FRAS1: variants seen among roughly 807,000 people sequenced by gnomAD.
FRAS1 encodes extracellular matrix organizing protein FRAS1.
FRAS1 carries 290 observed loss-of-function variants against 435.2 expected under a neutral mutation model. The observed-to-expected ratio is 0.67, with a 90% CI of 0.61 to 0.73. The LOEUF is 0.73. Ranked by LOEUF, FRAS1 falls within the 30% of genes least tolerant of loss-of-function variation. The probability of loss-of-function intolerance (pLI) is 0.00; values close to 1 mark genes in which losing one functional copy is unlikely to be tolerated. For missense variants in FRAS1, 4,860 were observed against 5,001.5 expected, an observed-to-expected ratio of 0.97 and a Z score of 0.85; for synonymous variants, 1,800 against 1,851.0, an observed-to-expected ratio of 0.97 and a Z score of 0.71.
In FRAS1 at chr4:78,515,591, CCATT is replaced by C. The variant is rs150190177; in HGVS notation, c.10175-205_10175-202del. Among the ~76,000 whole-genome samples, 550 of 152,230 alleles carry C rather than the reference CCATT, an allele frequency of 3.6e-3. 4 individuals carry two copies. The highest frequency in any genetic ancestry group is 0.012 in the African/African-American group (512 of 41,524). On this transcript the variant is annotated intron_variant, in intron 65 of 73. Coordinates refer to ENST00000512123, the MANE Select transcript of FRAS1 (RefSeq NM_025074.7). ...TGTGGTCTCTTAGAGGTGGAGTCCT[CCATT>C]CAACACCTGGCAACAGCAGTTAGCA...
At chr4:78,307,407 T>A (rs1022440400) in intron 14 of FRAS1, among the ~76,000 whole-genome samples, 1 of 152,218 alleles carries the variant, frequency 6.6e-6, no homozygotes, top group Non-Finnish European at 1.5e-5. Context: ...TGGAGCTTCC[T>A]GGCTGCTTTG....
intron 66 of FRAS1, among the ~76,000 whole-genome samples, chr4:78,518,440 A>ATG (rs1560423109): frequency 8.2e-6 from 1 of 121,624 alleles, no homozygotes; most frequent in African/African-American, 3.3e-5. Flanking sequence ...ATATATATAT[A>ATG]TATATATATA....
intron 47 of FRAS1, among the ~76,000 whole-genome samples, chr4:78,463,152 C>A (rs1305601494): frequency 6.6e-6 from 1 of 152,116 alleles, no homozygotes; most frequent in Non-Finnish European, 1.5e-5. Context: ...TGGGTATGAG[C>A]CCTAGCAGCC....
At chr4:78,283,577 C>G (rs1443246857) in intron 12 of FRAS1, among the ~76,000 whole-genome samples, 6 of 152,174 alleles carry the variant, frequency 3.9e-5, no homozygotes, top group African/African-American at 1.4e-4. Context: ...TTTAGTCTCT[C>G]TTGGAGAAGT....
intron 9 of FRAS1, among the ~76,000 whole-genome samples, chr4:78,271,244 A>C (rs1726662115): frequency 6.7e-6 from 1 of 150,330 alleles, no homozygotes; most frequent in African/African-American, 2.4e-5. Flanking sequence ...CCCCAAATTA[A>C]ATATTAAATA....
intron 31 of FRAS1, among the ~76,000 whole-genome samples, chr4:78,411,303 G>A (rs1269619631): frequency 6.6e-6 from 1 of 151,892 alleles, no homozygotes; most frequent in Non-Finnish European, 1.5e-5. Flanking sequence ...GTAGAGACAG[G>A]ATTTCACCAT....
chr4:78,117,124 A>G, intron 2 of FRAS1, among the ~76,000 whole-genome samples: 1 of 152,230 alleles, frequency 6.6e-6, no homozygotes. Flanking sequence ...TTCTGGGTTG[A>G]AAATGCTTGT....
At chr4:78,504,854 G>A (rs1251526767) in intron 61 of FRAS1, among the ~76,000 whole-genome samples, 1 of 152,156 alleles carries the variant, frequency 6.6e-6, no homozygotes, top group Admixed American at 6.5e-5. Flanking sequence ...TTTTTGCAGT[G>A]GATGGTACTG....
chr4:78,207,520 G>T (rs1419001998), intron 2 of FRAS1, among the ~76,000 whole-genome samples: 1 of 152,148 alleles, frequency 6.6e-6, no homozygotes, highest in African/African-American at 2.4e-5. Flanking sequence ...AAAATTTCTT[G>T]TTTTTAAAGG....
At chr4:78,112,975 C>T (rs111573697) in intron 2 of FRAS1, among the ~76,000 whole-genome samples, 51 of 152,202 alleles carry the variant, frequency 3.4e-4, no homozygotes, top group Admixed American at 1.6e-3. Context: ...TATCCCTCCC[C>T]GCTCCCTCCA....
intron 61 of FRAS1, among the ~76,000 whole-genome samples, chr4:78,504,634 A>G (rs10033184): frequency 0.33 from 49,999 of 151,882 alleles, 8,965 homozygotes; most frequent in South Asian, 0.52. Context: ...TGTGAGATGG[A>G]TCTCCTGAAT....
chr4:78,122,878 C>A (rs561565657), intron 2 of FRAS1, among the ~76,000 whole-genome samples: 2 of 151,956 alleles, frequency 1.3e-5, no homozygotes, highest in Non-Finnish European at 2.9e-5. Context: ...GGATATTAGC[C>A]CTTTGTCAGA....
At chr4:78,471,933 C>A (rs1719720808) in intron 51 of FRAS1, among the ~76,000 whole-genome samples, 1 of 152,116 alleles carries the variant, frequency 6.6e-6, no homozygotes, top group Non-Finnish European at 1.5e-5. Context: ...CTTTTTATGT[C>A]TTCCATTACA....
intron 35 of FRAS1, among the ~76,000 whole-genome samples, chr4:78,427,392 C>G (rs576515125): frequency 6.6e-6 from 1 of 152,256 alleles, no homozygotes; most frequent in South Asian, 2.1e-4. Context: ...AATTACCCAG[C>G]TTTAGGTTTT....
rs552064767 is a variant in FRAS1 at position 78,295,091 on chromosome 4, T to C, written c.1534+8552T>C. 3.9e-5 allele frequency among the ~76,000 whole-genome samples: 6 copies of C among 152,328 alleles called. No homozygotes were observed. In the East Asian group the frequency reaches 1.2e-3, roughly 29 times the overall value. On this transcript the variant is annotated intron_variant, in intron 14 of 73. Transcript: ENST00000512123. The stretch of plus-strand genomic sequence containing the variant: ...TGTTATTACTTATCCTTCTACAACA[T>C]CTTTTTAAACCTGTTGTATAATTTT...
intron 2 of FRAS1, among the ~76,000 whole-genome samples, chr4:78,089,735 A>G (rs2109895682): frequency 6.6e-6 from 1 of 152,278 alleles, no homozygotes; most frequent in South Asian, 2.1e-4. Flanking sequence ...CAGCTCTTCA[A>G]ACTTTGCTTT....
At chr4:78,060,690 C>A (rs1043806883) in intron 1 of FRAS1, among the ~76,000 whole-genome samples, 30 of 152,246 alleles carry the variant, frequency 2.0e-4, no homozygotes, top group African/African-American at 4.8e-4. Flanking sequence ...AACCATCTAA[C>A]CTCTTTGCGC....
rs1261374147 is a variant in FRAS1, at chr4:78,513,294, T to C, written c.10014-98T>C. ...TTCAGGAAGAAAAAAAAATGGTAGC[T>C]CATTGGTGAAGACAAATTAGGTGAT... On this transcript the variant is annotated intron_variant, in intron 64 of 73. Transcript: ENST00000512123. The C allele has an allele frequency of 4.1e-6, 5 of 1,225,948 alleles. No homozygotes were observed. In the African/African-American group the frequency reaches 7.6e-5, roughly 19 times the overall value. 75.9% of individuals were successfully genotyped at this position (1,225,948 alleles called of 1,614,324 possible).
At chr4:78,142,023 A>C (rs551069542) in intron 2 of FRAS1, among the ~76,000 whole-genome samples, 1 of 152,224 alleles carries the variant, frequency 6.6e-6, no homozygotes, top group South Asian at 2.1e-4. Flanking sequence ...GACTACAAAT[A>C]TGGTGCAGTG....
Sources: gnomAD v4.1 joint callset for allele counts (sites outside exome capture counted in the v4.1 genomes callset) on GRCh38, gnomAD v4.1.1 for gene constraint, MANE v1.5 for transcripts, NCBI Gene and HGNC (gene_info 2026-07-23, HGNC 2026-07-21) for gene names.